Variants in NARS2 observed in about 807,000 individuals in gnomAD.
NARS2 encodes asparaginyl-tRNA synthetase 2, mitochondrial.
NARS2 carries 60 observed loss-of-function variants against 62.9 expected under a neutral mutation model. The observed-to-expected ratio is 0.95, with a 90% CI of 0.77 to 1.18. The LOEUF (loss-of-function observed/expected upper bound fraction) is 1.18. NARS2 is among the 50% of genes most tolerant of loss of function. The pLI is 0.00. For synonymous variants in NARS2, 196 were observed against 200.0 expected (o/e 0.98, Z 0.17); for missense variants, 619 against 576.4 (o/e 1.07, Z -0.76).
At chr11:78,572,416 C>T (rs540062436) in intron 1 of NARS2, among the ~76,000 whole-genome samples, 3 of 152,072 alleles carry the variant, frequency 2.0e-5, no homozygotes, top group Non-Finnish European at 2.9e-5. Flanking sequence ...ACATAGTCAC[C>T]GATTAGTAGA....
chr11:78,478,245 G>A lies in NARS2; in HGVS notation c.959+193C>T, dbSNP rs140575149. Among the ~76,000 whole-genome samples, 208 of 151,928 alleles carry A rather than the reference G, an allele frequency of 1.4e-3. 1 individual carries two copies. The highest frequency in any genetic ancestry group is 4.9e-3 in the African/African-American group (204 of 41,464). Reference sequence around the variant, plus strand: ...TATCAACTATGAACCAAACACAAGAGCTATAAAAATAATTAGAACATGGGT... The same window carrying A: ...TATCAACTATGAACCAAACACAAGAACTATAAAAATAATTAGAACATGGGT... On this transcript the variant is annotated intron_variant, in intron 9 of 13. Transcript: ENST00000281038.
chr11:78,573,872 A>C (rs1278995512), intron 1 of NARS2, among the ~76,000 whole-genome samples: 1 of 152,216 alleles, frequency 6.6e-6, no homozygotes, highest in Non-Finnish European at 1.5e-5. Context: ...CTCCGAATTC[A>C]TTAAAAATAA....
chr11:78,560,852 A>G (rs1172898766), intron 4 of NARS2, among the ~76,000 whole-genome samples: 1 of 152,238 alleles, frequency 6.6e-6, no homozygotes, highest in Non-Finnish European at 1.5e-5. Flanking sequence ...TTACTGCATA[A>G]AATTTTTATC....
chr11:78,571,420 G>A lies in NARS2; in HGVS notation c.166C>T (p.Gln56Ter). Residue 56 changes from glutamine to a stop codon, truncating the protein, a stop_gained, in exon 2 of 14, where the codon CAG becomes TAG. Coordinates refer to ENST00000281038, the MANE Select transcript of NARS2 (RefSeq NM_024678.6). LOFTEE classifies it high-confidence loss of function. ...ACATGCAGGAACAAGACTTCCTTCT[G>A]GGATCGGACAGAACGAATCCATCCC... is the stretch of plus-strand genomic sequence containing the variant. ...IQGWIRSVRSQKEVLFLHVND... is the reference protein window; with the variant it reads ...IQGWIRSVRS 6 of 1,612,964 alleles carry A rather than the reference G, an allele frequency of 3.7e-6. No individual in the cohort carries two copies. Among genetic ancestry groups the A allele is most frequent in the Non-Finnish European group, 5.1e-6 (6 of 1,179,538 alleles).
Position 78,528,916 on chromosome 11 carries a change from T to C in NARS2, c.615A>G (p.Val205=). 1 of 1,611,486 alleles carries C rather than the reference T, an allele frequency of 6.2e-7. No homozygotes were observed. The highest frequency in any genetic ancestry group is 8.5e-7 in the Non-Finnish European group (1 of 1,178,334). ...FQLEPSGKLK[V]PEENFFNVPA... is the part of the protein sequence containing the mutation. ...GAACATTGAAGAAATTCTCCTCAGG[T>C]ACCTTAAGTTTGCCTGAAGGCTGCA... is the stretch of plus-strand genomic sequence containing the variant. The change falls in exon 6 of 14, where the codon GTA becomes GTG. Residue 205 remains valine (V), a synonymous_variant. Transcript: ENST00000281038.
rs1858370577 is a variant in NARS2, at chr11:78,460,957, A to G, written c.1164+4919T>C. Among the ~76,000 whole-genome samples the G allele has an allele frequency of 2.0e-5, 3 of 152,236 alleles. No homozygotes were observed. The South Asian group carries it at 6.2e-4, about 32-fold the overall frequency. On this transcript the variant is annotated intron_variant, in intron 11 of 13. Transcript: ENST00000281038. ...AATACAGCATAACAACTATTTACAC[A>G]GCATTTACATTGTATTAGGTATTAT...
At chr11:78,483,386 C>T (rs1859440359) in intron 7 of NARS2, among the ~76,000 whole-genome samples, 1 of 152,076 alleles carries the variant, frequency 6.6e-6, no homozygotes, top group Non-Finnish European at 1.5e-5. Context: ...AAGTTCTCGC[C>T]AGGGCAATCA....
chr11:78,479,717 G>C (rs10899522), intron 7 of NARS2, among the ~76,000 whole-genome samples: 39,373 of 152,148 alleles, frequency 0.26, 5,632 homozygotes, highest in East Asian at 0.42. Flanking sequence ...GTATAAAGTA[G>C]AGGCTGCCTT....
intron 5 of NARS2, among the ~76,000 whole-genome samples, chr11:78,547,519 G>A (rs1411200180): frequency 6.6e-6 from 1 of 152,100 alleles, no homozygotes; most frequent in Non-Finnish European, 1.5e-5. Context: ...GCAGTAAGAG[G>A]TACTGATACG....
Position 78,465,910 on chromosome 11 carries a change from T to C in NARS2, c.1130A>G (p.Tyr377Cys). 1 of 1,614,138 alleles carries C rather than the reference T, an allele frequency of 6.2e-7. No homozygotes were observed. Among genetic ancestry groups the C allele is most frequent in the Admixed American group, 1.7e-5 (1 of 60,030 alleles). The change falls in exon 11 of 14, where the codon TAC becomes TGC. Residue 377 changes from tyrosine (Y) to cysteine (C), a missense_variant. Coordinates refer to ENST00000281038, the MANE Select transcript of NARS2 (RefSeq NM_024678.6). ...INYPLTLKPF[Y>C]MRDNEDGPQH... is the part of the protein sequence containing the mutation. ...AGGGCCATCTTCATTATCCCTCATG[T>C]AGAAAGGCTTGAGTGTTAATGGATA...
intron 3 of NARS2, among the ~76,000 whole-genome samples, chr11:78,566,690 C>T (rs1013504880): frequency 1.3e-5 from 2 of 152,148 alleles, no homozygotes; most frequent in African/African-American, 2.4e-5. Flanking sequence ...TTTAAAATTA[C>T]CTATATGTCT....
intron 11 of NARS2, among the ~76,000 whole-genome samples, chr11:78,448,547 G>A (rs909701605): frequency 7.2e-5 from 11 of 151,992 alleles, no homozygotes; most frequent in African/African-American, 1.9e-4. Flanking sequence ...TCTTGACCTC[G>A]TGATCCACCC....
chr11:78,489,481 C>T (rs1298102740), intron 7 of NARS2, among the ~76,000 whole-genome samples: 3 of 152,160 alleles, frequency 2.0e-5, no homozygotes, highest in African/African-American at 2.4e-5. Flanking sequence ...AACTTCCATA[C>T]ATTGCTGGTA....
At chr11:78,495,134 C>CA (rs768869157) in intron 6 of NARS2, among the ~76,000 whole-genome samples, 115 of 152,302 alleles carry the variant, frequency 7.6e-4, no homozygotes, top group Non-Finnish European at 1.4e-3. Flanking sequence ...CTGATTATGT[C>CA]AGCCCTAATT....
At position 78,568,860 on chromosome 11, in the gene NARS2, C is replaced by A. The variant is rs1045894456; in HGVS notation, c.252-108G>T. On this transcript the variant is annotated intron_variant, in intron 2 of 13. Coordinates refer to ENST00000281038, the MANE Select transcript of NARS2 (RefSeq NM_024678.6). Reference sequence around the variant, plus strand: ...AAATACTTAATGACAAAAGCTTTTACCCTTATTGGGTTAAATAATCTTCAG... The same window carrying A: ...AAATACTTAATGACAAAAGCTTTTAACCTTATTGGGTTAAATAATCTTCAG... The A allele has an allele frequency of 3.2e-5, 27 of 843,712 alleles. No individual in the cohort carries two copies. In the African/African-American group the frequency reaches 4.5e-4, roughly 14 times the overall value. The allele number at this position is 843,712 out of a possible 1,614,324, so 52.3% of individuals were successfully genotyped here. A position where few individuals can be genotyped will look rare whatever the true frequency, so the allele number is the denominator to read the frequency against.
At chr11:78,506,211 ACG>A (rs1860492009) in intron 6 of NARS2, among the ~76,000 whole-genome samples, 1 of 152,222 alleles carries the variant, frequency 6.6e-6, no homozygotes, top group Non-Finnish European at 1.5e-5. Flanking sequence ...TTTGTCAAAG[ACG>A]TGGACCAACC....
intron 11 of NARS2, among the ~76,000 whole-genome samples, chr11:78,457,100 A>G (rs1858193707): frequency 1.3e-5 from 2 of 152,248 alleles, no homozygotes. Context: ...GTAACTAGTA[A>G]GGTATCTAGA....
intron 1 of NARS2, among the ~76,000 whole-genome samples, chr11:78,573,778 G>A (rs1857014322): frequency 6.6e-6 from 1 of 152,238 alleles, no homozygotes; most frequent in Non-Finnish European, 1.5e-5. Flanking sequence ...AAAATAAGGT[G>A]TAGAACGCAT....
chr11:78,547,274 AAAAAG>A (rs1855916959), intron 5 of NARS2, among the ~76,000 whole-genome samples: 1 of 152,186 alleles, frequency 6.6e-6, no homozygotes, highest in Non-Finnish European at 1.5e-5. Context: ...AAGAAGAAAA[AAAAAG>A]AACTCAGAAA....
Sources: allele counts gnomAD v4.1 joint callset (sites outside exome capture counted in the v4.1 genomes callset), GRCh38; gene constraint gnomAD v4.1.1; transcripts MANE v1.5; gene names NCBI Gene and HGNC (gene_info 2026-07-23, HGNC 2026-07-21).